The following ADH1B variants were observed in gnomAD, a reference collection of about 807,000 sequenced individuals.
ADH1B encodes alcohol dehydrogenase 1B (class I), beta polypeptide, also known as all-trans-retinol dehydrogenase [NAD(+)] ADH1B.
In ADH1B, 29 loss-of-function variants were observed where a neutral mutation model predicts 34.6. The observed-to-expected ratio is 0.84, with a 90% CI of 0.62 to 1.14. The LOEUF (loss-of-function observed/expected upper bound fraction) is 1.14. ADH1B is among the 50% of genes most tolerant of loss of function. ADH1B has a pLI of 0.00. For missense variants in ADH1B, 424 were observed against 468.4 expected, an observed-to-expected ratio of 0.91 and a Z score of 0.87; for synonymous variants, 170 against 175.5, an observed-to-expected ratio of 0.97 and a Z score of 0.25.
chr4:99,315,351 T>C (rs898927022), intron 5 of ADH1B: 1 of 166,290 alleles, frequency 6.0e-6, no homozygotes, highest in African/African-American at 2.4e-5. Flanking sequence ...GTTTTAGCAG[T>C]GAAATCCCAT....
intron 3 of ADH1B, chr4:99,316,602 G>T (rs2110636625): frequency 4.2e-6 from 1 of 236,700 alleles, no homozygotes; most frequent in Middle Eastern, 1.4e-3. Context: ...TCTCCTGGAG[G>T]CTTTGCAAAC....
chr4:99,310,889 C>G lies in ADH1B; in HGVS notation c.979G>C (p.Glu327Gln), dbSNP rs762807646. The change falls in exon 8 of 9, where the codon GAA (glutamate) becomes CAA (glutamine). Residue 327 changes from glutamate to glutamine, a missense_variant. By Grantham distance (29) the Glu-to-Gln change is conservative (BLOSUM62 2). Coordinates refer to ENST00000305046, the MANE Select transcript of ADH1B (RefSeq NM_000668.6). The stretch of plus-strand genomic sequence containing the variant: ...TCAGCCACAAGTTTTGGGATACCTT[C>G]TTTACTCTTAAAGCCTGAAAAGAAG... ...GAVYGGFKSKEGIPKLVADFM... is the reference protein window; with the variant it reads ...GAVYGGFKSKQGIPKLVADFM... 1 of 1,613,338 alleles carries G rather than the reference C, an allele frequency of 6.2e-7. No homozygotes were observed.
At chr4:99,316,404 A>C in intron 3 of ADH1B, 102 bp from the exon 4 acceptor site, 1 of 1,192,430 alleles carries the variant, frequency 8.4e-7, no homozygotes, top group African/African-American at 1.5e-5. Context: ...GTTTCTTTAA[A>C]AGTCTTTAAG....
chr4:99,320,470 A>G (rs1303082337), intron 1 of ADH1B: 1 of 158,298 alleles, frequency 6.3e-6, no homozygotes, highest in Non-Finnish European at 1.4e-5. Flanking sequence ...TAACACAAAA[A>G]AAGGACTGGA....
Position 99,307,855 on chromosome 4 carries a change from G to C in ADH1B, c.1113C>G (p.Thr371=). ...CTCTATTGCCTCAAAACGTCAGGAC[G>C]GTACGGATACTGCAATAGGAAAGAA... The part of the protein sequence containing the change: ...DLLHSGKSIR[T]VLTF The change falls in exon 9 of 9, where the codon ACC becomes ACG. Residue 371 remains threonine, a synonymous_variant. Coordinates refer to ENST00000305046, the MANE Select transcript of ADH1B (RefSeq NM_000668.6). 1 of 1,613,886 alleles carries C rather than the reference G, an allele frequency of 6.2e-7. No individual in the cohort carries two copies. The highest frequency in any genetic ancestry group is 8.5e-7 in the Non-Finnish European group (1 of 1,179,872).
intron 8 of ADH1B, chr4:99,310,223 T>C: frequency 7.5e-6 from 2 of 266,652 alleles, no homozygotes; most frequent in South Asian, 3.8e-5. Context: ...TCTTTTATGA[T>C]AACTTTCAGT....
At chr4:99,308,884 G>A (rs537746543) in intron 8 of ADH1B, among the ~76,000 whole-genome samples, 4 of 151,884 alleles carry the variant, frequency 2.6e-5, no homozygotes, top group African/African-American at 9.7e-5. Flanking sequence ...GAGTTAATGG[G>A]TGCAGCACAC....
chr4:99,320,528 A>C (rs1733998131), intron 1 of ADH1B: 1 of 164,078 alleles, frequency 6.1e-6, no homozygotes, highest in African/African-American at 2.4e-5. Context: ...AAATCAATTG[A>C]TTATATTGAA....
In ADH1B at chr4:99,320,981, T is replaced by A. The variant is rs529072022; in HGVS notation, c.18+333A>T. ...GAATTATGGTTTCTTATTATAAAGATAACTTGCCATTAAAGACTTTTCTAA... is the reference window on the plus strand; with the variant it reads ...GAATTATGGTTTCTTATTATAAAGAAAACTTGCCATTAAAGACTTTTCTAA... On this transcript the variant is annotated intron_variant, in intron 1 of 8. Coordinates refer to ENST00000305046, the MANE Select transcript of ADH1B (RefSeq NM_000668.6). The A allele has an allele frequency of 3.2e-4, 353 of 1,104,744 alleles. 4 individuals are homozygous for A. The South Asian group carries it at 5.1e-3, about 16-fold the overall frequency. The allele number at this position is 1,104,744 out of a possible 1,614,324, so 68.4% of individuals were successfully genotyped here. A position where few individuals can be genotyped will look rare whatever the true frequency, so the allele number is the denominator to read the frequency against.
rs1322564989 is a variant in ADH1B, at chr4:99,315,955, G to A, written c.510C>T (p.Val170=). The change falls in exon 5 of 9, where the codon GTC becomes GTT. Residue 170 remains valine, a synonymous_variant. Transcript: ENST00000305046. ...KIDAASPLEK[V]CLIGCGFSTG... is the part of the protein sequence containing the mutation. The stretch of plus-strand genomic sequence containing the variant: ...TCGAGAATCCACAGCCAATGAGGCA[G>A]ACTTTCTCCAGGGGCGAGGCTGCAT... 6.2e-6 allele frequency: 10 copies of A among 1,614,228 alleles called. No homozygotes were observed. Among genetic ancestry groups the A allele is most frequent in the Non-Finnish European group, 7.6e-6 (9 of 1,180,038 alleles).
intron 6 of ADH1B, among the ~76,000 whole-genome samples, chr4:99,312,002 C>G (rs1284492181): frequency 6.6e-6 from 1 of 152,202 alleles, no homozygotes; most frequent in Non-Finnish European, 1.5e-5. Context: ...GACGGTCTCC[C>G]TCTTAAGTGG....
Position 99,306,256 on chromosome 4 carries a change from T to C in ADH1B, c.*1584A>G, listed in dbSNP as rs1330147488. 1 of 152,306 alleles carries C rather than the reference T, an allele frequency of 6.6e-6. No individual in the cohort carries two copies. The highest frequency in any genetic ancestry group is 1.5e-5 in the Non-Finnish European group (1 of 68,130). The allele number at this position is 152,306 out of a possible 1,614,324, so 9.4% of individuals were successfully genotyped here. The stretch of plus-strand genomic sequence containing the variant: ...CCTGACCTCAGGTCATCCACCCGTC[T>C]TGACCTCCCAAAGTGCTGGGATTAC... On this transcript the variant is annotated 3_prime_UTR_variant, in exon 9 of 9. Coordinates refer to ENST00000305046, the MANE Select transcript of ADH1B (RefSeq NM_000668.6).
In ADH1B at chr4:99,321,390, G is replaced by A; in HGVS notation, c.-59C>T. The A allele has an allele frequency of 6.5e-7, 1 of 1,546,528 alleles. No individual in the cohort carries two copies. Among genetic ancestry groups the A allele is most frequent in the Non-Finnish European group, 8.9e-7 (1 of 1,122,156 alleles). On this transcript the variant is annotated 5_prime_UTR_variant, in exon 1 of 9. Transcript: ENST00000305046. ...GTGAGTCTTTGTGGATTTCTTCTCT[G>A]CTTGAGTGCATAAAGCAGATATATT...
intron 8 of ADH1B, among the ~76,000 whole-genome samples, chr4:99,309,863 A>G (rs1375027518): frequency 6.6e-6 from 1 of 152,028 alleles, no homozygotes; most frequent in Non-Finnish European, 1.5e-5. Context: ...AAGACACTTA[A>G]TAGAACAGCT....
chr4:99,307,928 T>A, intron 8 of ADH1B, 64 bp from the exon 9 acceptor site: 1 of 1,603,348 alleles, frequency 6.2e-7, no homozygotes, highest in African/African-American at 1.3e-5. Flanking sequence ...GTTGTGAGAG[T>A]CCAAGGAGCA....
rs1002054501 is a variant in ADH1B at position 99,313,610 on chromosome 4, A to T, written c.828+211T>A. The T allele has an allele frequency of 4.8e-6, 4 of 827,724 alleles. No individual in the cohort carries two copies. In the African/African-American group the frequency reaches 5.2e-5, roughly 11 times the overall value. The allele number at this position is 827,724 out of a possible 1,614,324, so 51.3% of individuals were successfully genotyped here. A position where few individuals can be genotyped will look rare whatever the true frequency, so the allele number is the denominator to read the frequency against. On this transcript the variant is annotated intron_variant, in intron 6 of 8. Coordinates refer to ENST00000305046, the MANE Select transcript of ADH1B (RefSeq NM_000668.6). ...AAAACAAACCCTTTTCTTTTCCTCT[A>T]GAGGAAATATGACTTGAGACAGGTT...
At chr4:99,318,651 G>T in intron 2 of ADH1B, 134 bp downstream of exon 2, 1 of 864,592 alleles carries the variant, frequency 1.2e-6, no homozygotes, top group Non-Finnish European at 1.7e-6. Context: ...ACCTTTCCTT[G>T]ACAACAAATG....
In ADH1B at chr4:99,306,781, A is replaced by C. The variant is rs1733620515; in HGVS notation, c.*1059T>G. The stretch of plus-strand genomic sequence containing the variant: ...CTAGGATTATAGACTTGATTTTAAG[A>C]CATGGTAGTTAATAGAAAAGTTCTA... On this transcript the variant is annotated 3_prime_UTR_variant, in exon 9 of 9. Coordinates refer to ENST00000305046, the MANE Select transcript of ADH1B (RefSeq NM_000668.6). 1 of 152,236 alleles carries C rather than the reference A, an allele frequency of 6.6e-6. No individual in the cohort carries two copies. The highest frequency in any genetic ancestry group is 2.1e-4 in the South Asian group (1 of 4,832). The allele number at this position is 152,236 out of a possible 1,614,324, so 9.4% of individuals were successfully genotyped here.
intron 6 of ADH1B, among the ~76,000 whole-genome samples, chr4:99,313,295 G>C (rs778507567): frequency 1.3e-5 from 2 of 152,066 alleles, no homozygotes; most frequent in Non-Finnish European, 2.9e-5. Context: ...CAGTTTCTGT[G>C]ATAAAATACA....
Sources: gnomAD v4.1 joint callset for allele counts (sites outside exome capture counted in the v4.1 genomes callset) on GRCh38, gnomAD v4.1.1 for gene constraint, MANE v1.5 for transcripts, NCBI Gene and HGNC (gene_info 2026-07-23, HGNC 2026-07-21) for gene names.